The following TMC1 variants were observed in gnomAD, a reference collection of about 807,000 sequenced individuals.
TMC1 encodes transmembrane channel-like protein 1.
TMC1 carries 84 observed loss-of-function variants against 105.8 expected under a neutral mutation model. The ratio of observed to expected loss-of-function variants is 0.79; its 90% CI spans 0.67 to 0.95. The LOEUF (loss-of-function observed/expected upper bound fraction) is 0.95, where lower values mean the gene tolerates loss of function less well. TMC1 is among the 40% of genes least tolerant of loss of function. TMC1 has a pLI of 0.00. For missense variants in TMC1, 817 were observed against 914.1 expected (o/e 0.89, Z 1.37); for synonymous variants, 315 against 311.5 (o/e 1.01, Z -0.12).
intron 1 of TMC1, among the ~76,000 whole-genome samples, chr9:72,563,512 G>T (rs1824093725): frequency 6.6e-6 from 1 of 152,156 alleles, no homozygotes; most frequent in Non-Finnish European, 1.5e-5. Flanking sequence ...GAGACCATTT[G>T]GGAGGGGAGG....
At chr9:72,604,189 G>C (rs1824871740) in intron 2 of TMC1, among the ~76,000 whole-genome samples, 1 of 152,116 alleles carries the variant, frequency 6.6e-6, no homozygotes, top group Non-Finnish European at 1.5e-5. Context: ...ATAAAACATT[G>C]ATACCTAATG....
At chr9:72,730,142 G>A (rs938868211) in intron 8 of TMC1, among the ~76,000 whole-genome samples, 2 of 152,140 alleles carry the variant, frequency 1.3e-5, no homozygotes, top group Non-Finnish European at 2.9e-5. Context: ...TTGACCTACT[G>A]TTGACCAAGA....
chr9:72,816,862 T>C (rs1828796171), intron 19 of TMC1, among the ~76,000 whole-genome samples: 1 of 152,154 alleles, frequency 6.6e-6, no homozygotes, highest in Middle Eastern at 3.2e-3. Context: ...GAAATCGTTT[T>C]TGAGTTTAAA....
intron 4 of TMC1, among the ~76,000 whole-genome samples, chr9:72,631,694 G>A (rs1420530951): frequency 6.6e-6 from 1 of 152,212 alleles, no homozygotes; most frequent in Non-Finnish European, 1.5e-5. Flanking sequence ...AGCAGAGAGA[G>A]CACTCTGGTG....
chr9:72,826,228 G>A (rs1209611125), intron 20 of TMC1, among the ~76,000 whole-genome samples: 1 of 152,098 alleles, frequency 6.6e-6, no homozygotes, highest in Non-Finnish European at 1.5e-5. Context: ...AAGACATCCT[G>A]TTCTCAGTTT....
At chr9:72,674,153 G>A (rs1320948375) in intron 5 of TMC1, among the ~76,000 whole-genome samples, 1 of 152,102 alleles carries the variant, frequency 6.6e-6, no homozygotes, top group Non-Finnish European at 1.5e-5. Flanking sequence ...GAAATAAATG[G>A]AAACCTCATT....
At chr9:72,607,966 T>C (rs1413625637) in intron 2 of TMC1, 1 of 152,206 alleles carries the variant, frequency 6.6e-6, no homozygotes, top group East Asian at 1.9e-4. Context: ...TGATTTGGAC[T>C]TCATTGTGTG....
intron 4 of TMC1, among the ~76,000 whole-genome samples, chr9:72,631,609 C>T (rs962699502): frequency 1.3e-5 from 2 of 152,188 alleles, no homozygotes; most frequent in Non-Finnish European, 2.9e-5. Flanking sequence ...GCTAGTCTTG[C>T]ACCAAATATA....
chr9:72,808,824 C>T (rs1828645159), intron 18 of TMC1: 1 of 152,218 alleles, frequency 6.6e-6, no homozygotes, highest in Middle Eastern at 3.2e-3. Context: ...CTCCTGCCCT[C>T]TAGTCTCTGG....
rs115422706 is a variant in TMC1, at chr9:72,747,102, G to T, written c.535+4577G>T. On this transcript the variant is annotated intron_variant, in intron 10 of 23. Transcript: ENST00000297784. ...ATCTACTTTTTCCTAATAGTAGATTGCATCATCAAAATTATAGTTTCAGAA... is the reference window on the plus strand; with the variant it reads ...ATCTACTTTTTCCTAATAGTAGATTTCATCATCAAAATTATAGTTTCAGAA... Among the ~76,000 whole-genome samples the T allele has an allele frequency of 9.2e-3, 1,408 of 152,226 alleles. 17 individuals are homozygous for T. The highest frequency in any genetic ancestry group is 0.033 in the African/African-American group (1,357 of 41,498).
In TMC1 at chr9:72,820,758, G is replaced by C. The variant is rs866696957; in HGVS notation, c.1764-84G>C. ...TGTATTTTCTGCCTTTGGAAAAGAA[G>C]CATGATGTCAAATAAACAGGTGCAG... is the stretch of plus-strand genomic sequence containing the variant. On this transcript the variant is annotated intron_variant, in intron 19 of 23. Coordinates refer to ENST00000297784, the MANE Select transcript of TMC1 (RefSeq NM_138691.3). The C allele has an allele frequency of 1.9e-6, 3 of 1,559,814 alleles. No individual in the cohort carries two copies. In the Middle Eastern group the frequency reaches 5.1e-4, roughly 263 times the overall value.
chr9:72,630,331 G>A (rs1292498035), intron 4 of TMC1, among the ~76,000 whole-genome samples: 1 of 152,088 alleles, frequency 6.6e-6, no homozygotes, highest in Non-Finnish European at 1.5e-5. Context: ...ATTTAATATT[G>A]GTAAGAACAA....
intron 17 of TMC1, among the ~76,000 whole-genome samples, chr9:72,803,363 A>C (rs990422398): frequency 6.6e-6 from 1 of 152,224 alleles, no homozygotes; most frequent in African/African-American, 2.4e-5. Context: ...AATTGCAACA[A>C]AAACAAAAAT....
chr9:72,783,783 A>G (rs1038634254), intron 13 of TMC1, among the ~76,000 whole-genome samples: 31 of 152,188 alleles, frequency 2.0e-4, no homozygotes, highest in African/African-American at 7.0e-4. Flanking sequence ...AAAACAAGCA[A>G]TGGGGAAAGG....
At chr9:72,712,514 A>T (rs889066439) in intron 8 of TMC1, among the ~76,000 whole-genome samples, 3 of 151,976 alleles carry the variant, frequency 2.0e-5, no homozygotes, top group Admixed American at 2.0e-4. Context: ...TAGGTATTTT[A>T]TTCACTTTGT....
In TMC1 at chr9:72,751,872, C is replaced by T; in HGVS notation, c.558C>T (p.Ala186=). ...TAGGTCAGTTTGGCTCCTCAGTGGCCTCATACTTCCTCTTCTTGAGATGGA... is the reference window on the plus strand; with the variant it reads ...TAGGTCAGTTTGGCTCCTCAGTGGCTTCATACTTCCTCTTCTTGAGATGGA... ...AIESQFGSSV[A]SYFLFLRWMY... Residue 186 remains alanine (A), a synonymous_variant, in exon 11 of 24, where the codon GCC becomes GCT. Transcript: ENST00000297784. The T allele has an allele frequency of 6.2e-7, 1 of 1,612,604 alleles. No homozygotes were observed.
chr9:72,744,077 G>A (rs1481697178), intron 10 of TMC1, among the ~76,000 whole-genome samples: 2 of 152,170 alleles, frequency 1.3e-5, no homozygotes, highest in Non-Finnish European at 2.9e-5. Flanking sequence ...TGTTTTAGGA[G>A]TGGCTAACCC....
At chr9:72,706,788 T>C (rs1826748966) in intron 8 of TMC1, among the ~76,000 whole-genome samples, 2 of 151,826 alleles carry the variant, frequency 1.3e-5, no homozygotes, top group South Asian at 4.1e-4. Flanking sequence ...CTTTTTTTTT[T>C]TTTTGAGATG....
intron 2 of TMC1, among the ~76,000 whole-genome samples, chr9:72,580,451 G>A (rs1337595372): frequency 6.6e-6 from 1 of 152,094 alleles, no homozygotes; most frequent in Non-Finnish European, 1.5e-5. Flanking sequence ...ACCTGGCTTT[G>A]GGTTTTGCAC....
Sources: gnomAD v4.1 joint callset for allele counts (sites outside exome capture counted in the v4.1 genomes callset) on GRCh38, gnomAD v4.1.1 for gene constraint, MANE v1.5 for transcripts, NCBI Gene and HGNC (gene_info 2026-07-23, HGNC 2026-07-21) for gene names.